The following ALS2 variants were observed in gnomAD, a reference collection of about 807,000 sequenced individuals.
ALS2 encodes alsin.
ALS2 carries 117 observed loss-of-function variants against 203.4 expected under a neutral mutation model. The ratio of observed to expected loss-of-function variants is 0.58; its 90% CI spans 0.50 to 0.67. The LOEUF is 0.67. Ranked by LOEUF, ALS2 falls within the 30% of genes least tolerant of loss-of-function variation. The pLI, the probability that ALS2 is intolerant of heterozygous loss-of-function variation, is 0.00. For synonymous variants in ALS2, 718 were observed against 725.9 expected, an observed-to-expected ratio of 0.99 and a Z score of 0.17; for missense variants, 1,715 against 1,989.4, an observed-to-expected ratio of 0.86 and a Z score of 2.62.
At chr2:201,705,658 T>C (rs1689663646) in intron 29 of ALS2, among the ~76,000 whole-genome samples, 197 bp from the exon 30 acceptor site, 1 of 152,194 alleles carries the variant, frequency 6.6e-6, no homozygotes, top group Non-Finnish European at 1.5e-5. Context: ...TCATTCTATA[T>C]CCCAATAACC....
chr2:201,729,900 A>C (rs1004215713), intron 13 of ALS2, among the ~76,000 whole-genome samples: 12 of 151,720 alleles, frequency 7.9e-5, no homozygotes, highest in East Asian at 1.9e-4. Context: ...AAAAAAAAAA[A>C]AAACAACTTT....
In ALS2 at chr2:201,757,630, C is replaced by G. The variant is rs376793598; in HGVS notation, c.1243G>C (p.Ala415Pro). 2 of 1,614,054 alleles carry G rather than the reference C, an allele frequency of 1.2e-6. No homozygotes were observed. The highest frequency in any genetic ancestry group is 1.7e-6 in the Non-Finnish European group (2 of 1,180,028). ...VRVAATYEAGALSLKKVMNFY... is the reference protein window; with the variant it reads ...VRVAATYEAGPLSLKKVMNFY... ...TTCATAACTTTCTTCAGTGACAAGG[C>G]ACCAGCTTCATAAGTAGCAGCCACT... Residue 415 changes from alanine (A) to proline (P), a missense_variant, in exon 5 of 34, where the codon GCC (alanine) becomes CCC (proline). Ala to Pro is a conservative substitution (Grantham distance 27). Around this residue, in one of 3 missense-constraint regions of ALS2, gnomAD observed 476 missense variants for 539.3 expected, o/e 0.88. Coordinates refer to ENST00000264276, the MANE Select transcript of ALS2 (RefSeq NM_020919.4).
chr2:201,753,851 C>T (rs1262408564), intron 6 of ALS2, among the ~76,000 whole-genome samples: 10 of 152,044 alleles, frequency 6.6e-5, no homozygotes, highest in African/African-American at 2.2e-4. Flanking sequence ...CAGGTGGGGG[C>T]CTCTTTTTCA....
chr2:201,751,482 T>C (rs1313985803), intron 7 of ALS2, among the ~76,000 whole-genome samples: 1 of 152,236 alleles, frequency 6.6e-6, no homozygotes, highest in East Asian at 1.9e-4. Context: ...TGGCCATTTC[T>C]ACTTCTTTTA....
chr2:201,707,544 C>T (rs1373433521), intron 28 of ALS2, among the ~76,000 whole-genome samples: 1 of 152,068 alleles, frequency 6.6e-6, no homozygotes, highest in Non-Finnish European at 1.5e-5. Context: ...ATCCTCTCAT[C>T]TCAGCCTCCC....
In ALS2 at chr2:201,727,721, C is replaced by T. The variant is rs1691280587; in HGVS notation, c.2896G>A (p.Glu966Lys). Residue 966 changes from glutamate to lysine, a missense_variant, in exon 16 of 34, where the codon GAA becomes AAA. By Grantham distance (56) the Glu-to-Lys change is moderately conservative. Transcript: ENST00000264276. ...CGCACTTACACACCACCAGCTTCTT[C>T]AGACAGTGGCTCTGCCCACAGCGTG... The part of the protein sequence containing the change: ...LATLWAEPLS[E>K]EAGGVNGLKI... 6.4e-7 allele frequency: 1 copy of T among 1,551,714 alleles called. No homozygotes were observed. Among genetic ancestry groups the T allele is most frequent in the Non-Finnish European group, 8.7e-7 (1 of 1,147,024 alleles).
rs142612173 is a variant in ALS2, at chr2:201,761,897, C to T, written c.176-79G>A. ...AAAATTTTAACAGCAAACTTTTAGT[C>T]CCCTATAGATTTAACCAAATTGGAT... On this transcript the variant is annotated intron_variant, in intron 3 of 33. Transcript: ENST00000264276. The T allele has an allele frequency of 2.1e-4, 311 of 1,472,846 alleles. 2 individuals are homozygous for T. In the South Asian group the frequency reaches 2.3e-3, roughly 11 times the overall value. 91.2% of individuals were successfully genotyped at this position (1,472,846 alleles called of 1,614,324 possible). A position where few individuals can be genotyped will look rare whatever the true frequency, so the allele number is the denominator to read the frequency against.
intron 23 of ALS2, among the ~76,000 whole-genome samples, chr2:201,720,794 C>CT (rs960428751): frequency 5.3e-5 from 8 of 151,990 alleles, no homozygotes; most frequent in Non-Finnish European, 1.0e-4. Context: ...GATGTCCAAT[C>CT]TTAACATTTT....
chr2:201,728,951 G>T (rs1691367554), intron 14 of ALS2, 101 bp downstream of exon 14: 5 of 1,574,428 alleles, frequency 3.2e-6, no homozygotes, highest in South Asian at 1.1e-5. Flanking sequence ...TCATTAAAAG[G>T]TTATTACCAC....
rs1446804448 is a variant in ALS2, at chr2:201,767,373, C to A, written c.31G>T (p.Ala11Ser). The change falls in exon 3 of 34, where the codon GCA (alanine) becomes TCA (serine). Residue 11 changes from alanine (A) to serine (S), a missense_variant. By Grantham distance (99) the Ala-to-Ser change is moderately conservative. Around this residue, in one of 3 missense-constraint regions of ALS2, gnomAD observed 476 missense variants for 539.3 expected, o/e 0.88. Transcript: ENST00000264276. ...AGGCCTCTTTCCTTGGATCCTTCTG[C>A]CTCTGTTGAGCTAAAACATCAAGAA... MDSKKRSSTE[A>S]EGSKERGLVH... The A allele has an allele frequency of 1.9e-6, 3 of 1,614,072 alleles. No individual in the cohort carries two copies. Among genetic ancestry groups the A allele is most frequent in the Admixed American group, 1.7e-5 (1 of 60,024 alleles).
At chr2:201,744,517 A>G in intron 9 of ALS2, 88 bp from the exon 10 acceptor site, 2 of 1,315,504 alleles carry the variant, frequency 1.5e-6, no homozygotes, top group Non-Finnish European at 2.1e-6. Context: ...ATCAGCTGAC[A>G]AGAGCTAACT....
rs373454038 is a variant in ALS2 at position 201,725,445 on chromosome 2, T to C, written c.3258A>G (p.Glu1086=). The change falls in exon 20 of 34, where the codon GAA becomes GAG. Residue 1086 remains glutamate (E), a synonymous_variant. Transcript: ENST00000264276. The part of the protein sequence containing the change: ...FRNGLEDGYG[E]YRIPNKAMNK... The stretch of plus-strand genomic sequence containing the variant: ...TCATTGCCTTGTTTGGGATTCTGTA[T>C]TCTCCATACCTGCCATGAAAAAGAA... The C allele has an allele frequency of 2.4e-5, 38 of 1,613,560 alleles. No homozygotes were observed. Among genetic ancestry groups the C allele is most frequent in the Non-Finnish European group, 3.1e-5 (36 of 1,179,634 alleles).
At position 201,726,485 on chromosome 2, in the gene ALS2, C is replaced by T. The variant is rs761859520; in HGVS notation, c.3247G>A (p.Gly1083Arg). ...TCATGTTTTACACAATTTTCTTACC[C>T]ATCTTCCAAGCCATTCCTGAACATG... ...SGMFRNGLED[G>R]YGEYRIPNKA... Residue 1083 changes from glycine (G) to arginine (R), a missense_variant and splice_region_variant, in exon 19 of 34, where the codon GGG (glycine) becomes AGG (arginine). Gly to Arg is a moderately radical substitution (Grantham distance 125). Transcript: ENST00000264276. The T allele has an allele frequency of 2.5e-6, 4 of 1,613,706 alleles. No individual in the cohort carries two copies. Among genetic ancestry groups the T allele is most frequent in the Non-Finnish European group, 3.4e-6 (4 of 1,179,634 alleles).
At chr2:201,718,963 T>C (rs756791016) in intron 23 of ALS2, among the ~76,000 whole-genome samples, 2 of 151,930 alleles carry the variant, frequency 1.3e-5, no homozygotes, top group African/African-American at 2.4e-5. Context: ...TGATAAAGAT[T>C]AGTGCAAAAA....
rs1283656303 is a variant in ALS2 at position 201,725,353 on chromosome 2, T to C, written c.3347+3A>G. 4 of 1,611,558 alleles carry C rather than the reference T, an allele frequency of 2.5e-6. No individual in the cohort carries two copies. In the African/African-American group the frequency reaches 4.0e-5, roughly 16 times the overall value. On this transcript the variant is annotated splice_donor_region_variant and intron_variant, in intron 20 of 33. Coordinates refer to ENST00000264276, the MANE Select transcript of ALS2 (RefSeq NM_020919.4). ...ACCAGTCCAACAGCCTTTCCAATGT[T>C]ACCTGTAGACTCCTTGACCGCACAT...
At position 201,769,459 on chromosome 2, in the gene ALS2, T is replaced by C. The variant is rs926327427; in HGVS notation, c.-60-514A>G. ...ATTAAAATAGGAAGTTTTCCACTTA[T>C]TGGAAGAAGGAACATTTTCCCCAAA... On this transcript the variant is annotated intron_variant, in intron 1 of 33. Transcript: ENST00000264276. Among the ~76,000 whole-genome samples the C allele has an allele frequency of 3.9e-5, 6 of 152,216 alleles. 1 individual carries two copies. The East Asian group carries it at 1.2e-3, about 29-fold the overall frequency.
At chr2:201,748,454 T>C (rs1282296166) in intron 8 of ALS2, among the ~76,000 whole-genome samples, 1 of 152,104 alleles carries the variant, frequency 6.6e-6, no homozygotes, top group Non-Finnish European at 1.5e-5. Context: ...CTTCCTCAAA[T>C]AAAAAAACCA....
At chr2:201,717,771 C>G (rs1441077757) in intron 24 of ALS2, among the ~76,000 whole-genome samples, 1 of 151,772 alleles carries the variant, frequency 6.6e-6, no homozygotes, top group Non-Finnish European at 1.5e-5. Flanking sequence ...AAGACCCAGT[C>G]TCTACAAAAA....
At chr2:201,754,291 G>A (rs541002107) in intron 6 of ALS2, among the ~76,000 whole-genome samples, 3 of 152,142 alleles carry the variant, frequency 2.0e-5, no homozygotes, top group African/African-American at 7.2e-5. Context: ...AGGATTAAAG[G>A]TGTGAGCCAC....
Sources: gnomAD v4.1 joint callset for allele counts (sites outside exome capture counted in the v4.1 genomes callset) on GRCh38, gnomAD v4.1.1 for gene constraint, gnomAD v4.1.1 regional missense constraint, MANE v1.5 for transcripts, NCBI Gene and HGNC (gene_info 2026-07-23, HGNC 2026-07-21) for gene names.